DPP10: variants seen among roughly 807,000 people sequenced by gnomAD.
DPP10 encodes inactive dipeptidyl peptidase 10.
A neutral mutation model predicts 120.9 loss-of-function variants in DPP10; 33 were observed. That is an observed-to-expected ratio of 0.27 (90% CI 0.21 to 0.37). The LOEUF (loss-of-function observed/expected upper bound fraction) is 0.37, where lower values mean the gene tolerates loss of function less well. DPP10 is among the 10% of genes least tolerant of loss of function. The pLI, the probability that DPP10 is intolerant of heterozygous loss-of-function variation, is 1.00. For missense variants in DPP10, 816 were observed against 942.8 expected (o/e 0.87, Z 1.76); for synonymous variants, 337 against 326.1 (o/e 1.03, Z -0.36).
At chr2:115,678,229 C>T (rs937674795) in intron 5 of DPP10, among the ~76,000 whole-genome samples, 1 of 152,236 alleles carries the variant, frequency 6.6e-6, no homozygotes, top group Non-Finnish European at 1.5e-5. Flanking sequence ...TGTCTTTAGG[C>T]ATGTCAGAGC....
At chr2:115,228,100 T>G (rs758638774) in intron 1 of DPP10, among the ~76,000 whole-genome samples, 6 of 152,076 alleles carry the variant, frequency 3.9e-5, no homozygotes, top group Non-Finnish European at 8.8e-5. Context: ...TTTTTTTGTG[T>G]ATTTATACAT....
chr2:115,449,077 G>T (rs1322663877), intron 3 of DPP10, among the ~76,000 whole-genome samples: 1 of 152,050 alleles, frequency 6.6e-6, no homozygotes, highest in African/African-American at 2.4e-5. Flanking sequence ...AAAAAGAAAT[G>T]CTGAACTTTT....
intron 1 of DPP10, among the ~76,000 whole-genome samples, chr2:115,280,971 T>A (rs2060133797): frequency 6.6e-6 from 1 of 152,188 alleles, no homozygotes; most frequent in Non-Finnish European, 1.5e-5. Context: ...AGGTTAATGG[T>A]ATGGAGATGA....
At chr2:115,227,750 G>C (rs1035566654) in intron 1 of DPP10, among the ~76,000 whole-genome samples, 7 of 152,044 alleles carry the variant, frequency 4.6e-5, no homozygotes, top group Non-Finnish European at 1.0e-4. Flanking sequence ...ATCAGTCTCT[G>C]TTTTCTTTTA....
chr2:114,453,032 G>A (rs1346443970), intron 1 of DPP10, among the ~76,000 whole-genome samples: 1 of 152,080 alleles, frequency 6.6e-6, no homozygotes, highest in Admixed American at 6.6e-5. Context: ...GATACACAGG[G>A]TTGAGTGGAG....
intron 7 of DPP10, among the ~76,000 whole-genome samples, chr2:115,711,028 ACTG>A (rs2092297164): frequency 6.6e-6 from 1 of 152,150 alleles, no homozygotes; most frequent in Admixed American, 6.5e-5. Flanking sequence ...AAAGAACTGA[ACTG>A]CTGAGATATT....
At chr2:115,382,859 T>C (rs998867130) in intron 3 of DPP10, among the ~76,000 whole-genome samples, 2 of 152,178 alleles carry the variant, frequency 1.3e-5, no homozygotes, top group African/African-American at 4.8e-5. Flanking sequence ...GGATGGATAT[T>C]TGTGAAAATA....
intron 3 of DPP10, among the ~76,000 whole-genome samples, chr2:115,411,413 C>T (rs1574757709): frequency 2.3e-5 from 1 of 42,948 alleles, no homozygotes; most frequent in Non-Finnish European, 1.0e-4. Flanking sequence ...AATTGTAGAA[C>T]AACTGGTTTA....
chr2:115,598,238 G>A (rs766994218), intron 5 of DPP10, among the ~76,000 whole-genome samples: 1 of 151,008 alleles, frequency 6.6e-6, no homozygotes, highest in Non-Finnish European at 1.5e-5. Flanking sequence ...TGAGTGCTTA[G>A]CCCATAAACA....
intron 1 of DPP10, among the ~76,000 whole-genome samples, chr2:114,539,766 T>C (rs1686808659): frequency 1.3e-5 from 2 of 152,196 alleles, no homozygotes; most frequent in Admixed American, 1.3e-4. Flanking sequence ...TTAATAAATA[T>C]TTGTTAAATG....
rs149787921 is a variant in DPP10 at position 115,246,739 on chromosome 2, T to C, written c.61-62500T>C. On this transcript the variant is annotated intron_variant, in intron 1 of 25. Coordinates refer to ENST00000410059, the MANE Select transcript of DPP10 (RefSeq NM_020868.6). ...GACTTGGGAACTAGATTTGAACTCT[T>C]ATTTTACTATATGTATACTTATTTT... Among the ~76,000 whole-genome samples, 217 of 152,250 alleles carry C rather than the reference T, an allele frequency of 1.4e-3. 2 individuals are homozygous for C. The highest frequency in any genetic ancestry group is 4.7e-3 in the African/African-American group (194 of 41,550).
At chr2:115,054,016 A>T (rs1573444997) in intron 1 of DPP10, among the ~76,000 whole-genome samples, 1 of 152,306 alleles carries the variant, frequency 6.6e-6, no homozygotes, top group East Asian at 1.9e-4. Flanking sequence ...TGCTTTGTCG[A>T]ATTCTTGCCT....
chr2:115,655,043 G>A (rs539878235), intron 5 of DPP10, among the ~76,000 whole-genome samples: 25 of 151,410 alleles, frequency 1.7e-4, no homozygotes, highest in African/African-American at 2.9e-4. Context: ...ATTCCTCTAA[G>A]TGTATACTTG....
chr2:114,545,166 A>G (rs920260556), intron 1 of DPP10, among the ~76,000 whole-genome samples: 2 of 152,174 alleles, frequency 1.3e-5, no homozygotes, highest in African/African-American at 2.4e-5. Flanking sequence ...ATATTAAAAT[A>G]TTTGTTAAGT....
intron 1 of DPP10, among the ~76,000 whole-genome samples, chr2:114,577,243 A>G (rs1690125066): frequency 6.6e-6 from 1 of 152,210 alleles, no homozygotes; most frequent in African/African-American, 2.4e-5. Context: ...GGTTATCCCC[A>G]TCTTATAAAT....
rs1230587325 is a variant in DPP10 at position 114,567,506 on chromosome 2, C to T, written c.60+124668C>T. 2.6e-5 allele frequency among the ~76,000 whole-genome samples: 4 copies of T among 151,938 alleles called. No homozygotes were observed. In the East Asian group the frequency reaches 7.7e-4, roughly 29 times the overall value. ...TGATTTTGAAGATGAAGCAAGGGGC[C>T]ATAAGCCAAGGAACGTATGAGGCAT... is the stretch of plus-strand genomic sequence containing the variant. On this transcript the variant is annotated intron_variant, in intron 1 of 25. Coordinates refer to ENST00000410059, the MANE Select transcript of DPP10 (RefSeq NM_020868.6).
chr2:115,706,520 A>G (rs2092114048), intron 7 of DPP10, among the ~76,000 whole-genome samples: 1 of 151,956 alleles, frequency 6.6e-6, no homozygotes, highest in Non-Finnish European at 1.5e-5. Context: ...AGTTCCTGCT[A>G]AGGAAACTAT....
In DPP10 at chr2:114,670,344, G is replaced by A. The variant is rs1236850866; in HGVS notation, c.60+227506G>A. Among the ~76,000 whole-genome samples, 9 of 152,264 alleles carry A rather than the reference G, an allele frequency of 5.9e-5. No individual in the cohort carries two copies. In the East Asian group the frequency reaches 1.7e-3, roughly 29 times the overall value. ...GTACATATACACCACGGAATACTAT[G>A]CAGCCATAAAAAAGGATGAGTTCAT... On this transcript the variant is annotated intron_variant, in intron 1 of 25. Coordinates refer to ENST00000410059, the MANE Select transcript of DPP10 (RefSeq NM_020868.6).
At chr2:115,252,216 A>G (rs1158955110) in intron 1 of DPP10, among the ~76,000 whole-genome samples, 2 of 152,186 alleles carry the variant, frequency 1.3e-5, no homozygotes, top group East Asian at 3.8e-4. Context: ...TTCATGACTA[A>G]TTCTAATTTG....
Sources: allele counts gnomAD v4.1 joint callset (sites outside exome capture counted in the v4.1 genomes callset), GRCh38; gene constraint gnomAD v4.1.1; transcripts MANE v1.5; gene names NCBI Gene and HGNC (gene_info 2026-07-23, HGNC 2026-07-21).